The following FOXP3 variants were observed in gnomAD, a reference collection of about 807,000 sequenced individuals.
FOXP3 encodes the protein forkhead box protein P3.
FOXP3 carries 5 observed loss-of-function variants against 31.2 expected under a neutral mutation model. That is an observed-to-expected ratio of 0.16 (90% confidence interval 0.08 to 0.34). The LOEUF (loss-of-function observed/expected upper bound fraction) is 0.34. Ranked by LOEUF, FOXP3 falls within the 10% of genes least tolerant of loss-of-function variation. The pLI is 1.00. For synonymous variants in FOXP3, 141 were observed against 148.8 expected (o/e 0.95, Z 0.38); for missense variants, 251 against 363.0 (o/e 0.69, Z 2.51).
intron 8 of FOXP3, 88 bp from the exon 9 acceptor site, chrX:49,254,155 T>C: frequency 2.9e-6 from 3 of 1,038,264 alleles, no homozygotes; most frequent in Non-Finnish European, 3.8e-6. Context: ...TTTTTGATAC[T>C]GAGTCTTGCT....
chrX:49,256,219 AAAGAGAGAGAGAGAGAGAGAGAGAGAG>A (rs2066069835), intron 6 of FOXP3, among the ~76,000 whole-genome samples: 2 of 30,464 alleles, frequency 6.6e-5, no homozygotes, highest in Non-Finnish European at 6.8e-5. Flanking sequence ...AGAGAGAGAG[AAAGAGAGAGAGAGAGAGAGAGAGAGAG>A]AGAGAGAGAG....
At chrX:49,252,696 C>A (rs183516980) in intron 10 of FOXP3, among the ~76,000 whole-genome samples, 1 of 108,918 alleles carries the variant, frequency 9.2e-6, no homozygotes, top group Non-Finnish European at 1.9e-5. Context: ...TATTGACATA[C>A]TGGGGTACGT....
At chrX:49,254,971 C>T (rs1417417892) in intron 8 of FOXP3, among the ~76,000 whole-genome samples, 4 of 98,530 alleles carry the variant, frequency 4.1e-5, no homozygotes, top group African/African-American at 1.1e-4. Context: ...TTTCTTGAGA[C>T]GGAGTCTTGA....
intron 1 of FOXP3, chrX:49,259,340 C>CG: frequency 2.0e-6 from 1 of 512,526 alleles, no homozygotes; most frequent in Non-Finnish European, 3.6e-6. Context: ...CAGCTGAATA[C>CG]GGGGGTCTGG....
Position 49,257,148 on chromosome X carries a change from A to G in FOXP3, c.455-136T>C. ...CTCCCAGGGGGCTCTGCTGTCCCCA[A>G]AGTCCCAGGCTTCTGGCAGAGAAGC... On this transcript the variant is annotated intron_variant, in intron 4 of 11. Transcript: ENST00000376207. 6.7e-6 allele frequency: 4 copies of G among 596,753 alleles called. No individual in the cohort carries two copies. In the East Asian group the frequency reaches 1.1e-4, roughly 16 times the overall value. 49.2% of individuals were successfully genotyped at this position (596,753 alleles called of 1,213,427 possible). A position where few individuals can be genotyped will look rare whatever the true frequency, so the allele number is the denominator to read the frequency against.
In FOXP3 at chrX:49,255,058, C is replaced by T. The variant is rs186028598; in HGVS notation, c.816+371G>A. Among the ~76,000 whole-genome samples the T allele has an allele frequency of 5.0e-4, 55 of 109,191 alleles. No individual in the cohort carries two copies. The East Asian group carries it at 0.016, about 31-fold the overall frequency. 94.8% of individuals were successfully genotyped at this position (109,191 alleles called of 115,157 possible). ...CCGCCTCCCAGGTTCAAGCAATTCT[C>T]TGCCTCAGCCTCCCAAGTAGTTGGG... On this transcript the variant is annotated intron_variant, in intron 8 of 11. Transcript: ENST00000376207.
At position 49,252,072 on chromosome X, in the gene FOXP3, A is replaced by C. The variant is rs1160547575; in HGVS notation, c.1045-307T>G. Among the ~76,000 whole-genome samples, 3 of 106,073 alleles carry C rather than the reference A, an allele frequency of 2.8e-5. No homozygotes were observed. The East Asian group carries it at 8.9e-4, about 31-fold the overall frequency. The allele number at this position is 106,073 out of a possible 115,157, so 92.1% of individuals were successfully genotyped here. On this transcript the variant is annotated intron_variant, in intron 10 of 11. Transcript: ENST00000376207. The stretch of plus-strand genomic sequence containing the variant: ...AAGTGAGGTGAAAGGTCTGGGATGG[A>C]GTTGGAGTTGGGGTTCTCTGTGGAG...
chrX:49,258,583 T>C, intron 1 of FOXP3, 56 bp from the exon 2 acceptor site: 2 of 960,307 alleles, frequency 2.1e-6, no homozygotes, highest in Non-Finnish European at 1.4e-6. Context: ...TATGAGATAC[T>C]CGACCACCTG....
At chrX:49,253,559 C>T (rs1390303268) in intron 9 of FOXP3, among the ~76,000 whole-genome samples, 3 of 112,255 alleles carry the variant, frequency 2.7e-5, no homozygotes, top group Admixed American at 1.9e-4. Context: ...GAATCCACCC[C>T]GATTTTCCTT....
chrX:49,259,138 T>A (rs1410687905), intron 1 of FOXP3: 2 of 522,811 alleles, frequency 3.8e-6, no homozygotes, highest in East Asian at 7.2e-5. Context: ...GGAGCAGTGC[T>A]AGCAGCTTGG....
Position 49,251,126 on chromosome X carries a change from C to A in FOXP3, c.*208G>T. On this transcript the variant is annotated 3_prime_UTR_variant, in exon 12 of 12. Transcript: ENST00000376207. ...GTGGGGGCTGGGGCCAGGACCGGGG[C>A]CCCTCTGAGCAGCCTTGGGGCAAAG... 1 of 488,413 alleles carries A rather than the reference C, an allele frequency of 2.0e-6. No homozygotes were observed. 40.3% of individuals were successfully genotyped at this position (488,413 alleles called of 1,213,427 possible). A position where few individuals can be genotyped will look rare whatever the true frequency, so the allele number is the denominator to read the frequency against.
Position 49,250,503 on chromosome X carries a change from A to C in FOXP3, c.*831T>G. ...GTTGGGGGCCTTGGATCCCAAATAA[A>C]TGAGTAGTTCCTCTGCAGTCTAAGC... On this transcript the variant is annotated 3_prime_UTR_variant, in exon 12 of 12. Transcript: ENST00000376207. 1 of 472,584 alleles carries C rather than the reference A, an allele frequency of 2.1e-6. No homozygotes were observed. Among genetic ancestry groups the C allele is most frequent in the East Asian group, 4.1e-5 (1 of 24,340 alleles). The allele number at this position is 472,584 out of a possible 1,213,427, so 38.9% of individuals were successfully genotyped here.
intron 10 of FOXP3, 43 bp from the exon 11 acceptor site, chrX:49,251,808 T>C (rs1557115642): frequency 8.4e-7 from 1 of 1,190,159 alleles, no homozygotes. Context: ...TCCCCAAACT[T>C]GGGGTTTAGA....
chrX:49,254,464 C>A (rs993034751), intron 8 of FOXP3, among the ~76,000 whole-genome samples: 2 of 111,766 alleles, frequency 1.8e-5, no homozygotes, highest in Non-Finnish European at 3.8e-5. Context: ...TTTTTCAAAG[C>A]AAGGACGCCC....
intron 1 of FOXP3, among the ~76,000 whole-genome samples, chrX:49,263,294 T>C (rs1382354964): frequency 9.0e-6 from 1 of 110,618 alleles, no homozygotes; most frequent in Non-Finnish European, 1.9e-5. Flanking sequence ...AATTAAAACA[T>C]AATAATACTC....
intron 10 of FOXP3, 53 bp downstream of exon 10, chrX:49,253,073 C>T: frequency 1.8e-6 from 2 of 1,088,931 alleles, no homozygotes; most frequent in Non-Finnish European, 2.5e-6. Context: ...GGAGGCAGGT[C>T]CCCCACCCCA....
chrX:49,264,610 C>T (rs1557117585), intron 1 of FOXP3, 51 bp downstream of exon 1: 1 of 727,391 alleles, frequency 1.4e-6, no homozygotes, highest in Admixed American at 8.8e-5. Flanking sequence ...ACCTCCCTGC[C>T]ATCTCCTCCA....
chrX:49,251,554 A>G (rs1557115559), intron 11 of FOXP3, 71 bp from the exon 12 acceptor site: 2 of 1,208,595 alleles, frequency 1.7e-6, no homozygotes, highest in Admixed American at 4.4e-5. Context: ...CCAACAACCC[A>G]CATCCCGTTC....
intron 1 of FOXP3, among the ~76,000 whole-genome samples, chrX:49,263,779 G>A (rs1182305427): frequency 1.8e-5 from 2 of 111,639 alleles, no homozygotes; most frequent in African/African-American, 6.5e-5. Flanking sequence ...TATGGACTCT[G>A]GTCACACACA....
Sources: allele counts gnomAD v4.1 joint callset (sites outside exome capture counted in the v4.1 genomes callset), GRCh38; gene constraint gnomAD v4.1.1; transcripts MANE v1.5; gene names NCBI Gene and HGNC (gene_info 2026-07-23, HGNC 2026-07-21).